The following RIN2 variants were observed in gnomAD, a reference collection of about 807,000 sequenced individuals.
The protein encoded by RIN2 is RAB5 interacting protein 2.
RIN2 carries 36 observed loss-of-function variants against 78.0 expected under a neutral mutation model. That is an observed-to-expected ratio of 0.46 (90% CI 0.35 to 0.61). The LOEUF is 0.61. RIN2 is among the 20% of genes least tolerant of loss of function. RIN2 has a pLI of 0.00. For missense variants in RIN2, 1,087 were observed against 1,159.7 expected, an observed-to-expected ratio of 0.94 and a Z score of 0.91; for synonymous variants, 466 against 466.8, an observed-to-expected ratio of 1.00 and a Z score of 0.02.
chr20:19,824,596 T>C (rs1255404423), intron 2 of RIN2, among the ~76,000 whole-genome samples: 3 of 152,060 alleles, frequency 2.0e-5, no homozygotes, highest in South Asian at 4.1e-4. Flanking sequence ...GCTTCCAGAA[T>C]AGAATGAATC....
chr20:19,956,874 C>G, intron 5 of RIN2, 67 bp downstream of exon 5: 2 of 1,357,706 alleles, frequency 1.5e-6, no homozygotes, highest in Non-Finnish European at 2.0e-6. Context: ...AAGAAAAACA[C>G]TTGGAGTTAG....
chr20:19,790,728 A>G (rs751101118), intron 1 of RIN2, among the ~76,000 whole-genome samples: 3 of 152,072 alleles, frequency 2.0e-5, no homozygotes, highest in Non-Finnish European at 4.4e-5. Flanking sequence ...GCCCTTCTTC[A>G]TGTCTGTCAC....
chr20:19,928,314 C>CA lies in RIN2; in HGVS notation c.58-6783dup, dbSNP rs1328110839. Among the ~76,000 whole-genome samples, 3 of 152,246 alleles carry CA rather than the reference C, an allele frequency of 2.0e-5. No individual in the cohort carries two copies. In the East Asian group the frequency reaches 5.8e-4, roughly 29 times the overall value. ...GATGAGGGCACCCAAATGGGTCGCC[C>CA]AAGGCGACCCAGCCAACCGGGGCCC... On this transcript the variant is annotated intron_variant, in intron 3 of 12. Transcript: ENST00000255006.
At chr20:19,917,224 G>A (rs991211746) in intron 3 of RIN2, among the ~76,000 whole-genome samples, 8 of 151,876 alleles carry the variant, frequency 5.3e-5, no homozygotes, top group African/African-American at 1.7e-4. Flanking sequence ...GCTGTGCCAC[G>A]GTCATCCACC....
At chr20:19,882,301 C>T (rs1043629530) in intron 2 of RIN2, among the ~76,000 whole-genome samples, 1 of 152,062 alleles carries the variant, frequency 6.6e-6, no homozygotes, top group African/African-American at 2.4e-5. Flanking sequence ...TAAAGTTTCA[C>T]GAAGACAAAA....
At chr20:19,828,027 G>T (rs1272065748) in intron 2 of RIN2, among the ~76,000 whole-genome samples, 1 of 151,996 alleles carries the variant, frequency 6.6e-6, no homozygotes, top group South Asian at 2.1e-4. Flanking sequence ...CCAGCTGTGA[G>T]TTCATTGCAA....
chr20:19,974,947 C>A lies in RIN2; in HGVS notation c.922C>A (p.Pro308Thr). The change falls in exon 9 of 13, where the codon CCA (proline) becomes ACA (threonine). Residue 308 changes from proline (P) to threonine (T), a missense_variant. Transcript: ENST00000255006. ...TGGCACGGAGCGGACTCGGTCCCCCCCACCCAGGCCCCCGCCACCCGCTAT... is the reference window on the plus strand; with the variant it reads ...TGGCACGGAGCGGACTCGGTCCCCCACACCCAGGCCCCCGCCACCCGCTAT... ...ANGTERTRSP[P>T]PRPPPPAINS... 6.2e-7 allele frequency: 1 copy of A among 1,612,980 alleles called. No individual in the cohort carries two copies. The highest frequency in any genetic ancestry group is 8.5e-7 in the Non-Finnish European group (1 of 1,179,386).
intron 5 of RIN2, among the ~76,000 whole-genome samples, chr20:19,959,665 G>T (rs1294730427): frequency 6.6e-6 from 1 of 152,340 alleles, no homozygotes; most frequent in Admixed American, 6.5e-5. Context: ...CTATAGAAAG[G>T]TAGGGGAGAG....
At chr20:19,935,307 G>A (rs532012484) in intron 4 of RIN2, 108 bp downstream of exon 4, 1 of 1,255,500 alleles carries the variant, frequency 8.0e-7, no homozygotes, top group African/African-American at 1.5e-5. Flanking sequence ...GGAGCTGGGA[G>A]TGTGGTAGCA....
At position 19,886,383 on chromosome 20, in the gene RIN2, G is replaced by A. The variant is rs571175649; in HGVS notation, c.-36-3183G>A. On this transcript the variant is annotated intron_variant, in intron 2 of 12. Transcript: ENST00000255006. ...CAGACTTTGCTTTACCACAGCAGTC[G>A]CTCTTGGGGCCACACGGAAAGCCAC... 20 of 296,594 alleles carry A rather than the reference G, an allele frequency of 6.7e-5. No homozygotes were observed. The South Asian group carries it at 2.5e-3, about 37-fold the overall frequency. 18.4% of individuals were successfully genotyped at this position (296,594 alleles called of 1,614,324 possible). A position where few individuals can be genotyped will look rare whatever the true frequency, so the allele number is the denominator to read the frequency against.
intron 3 of RIN2, among the ~76,000 whole-genome samples, chr20:19,905,376 G>A (rs1019211260): frequency 1.4e-4 from 21 of 152,256 alleles, no homozygotes; most frequent in African/African-American, 5.1e-4. Flanking sequence ...GAACCTCTGA[G>A]GACAAAGCAA....
intron 2 of RIN2, among the ~76,000 whole-genome samples, chr20:19,817,055 G>A (rs1285742135): frequency 6.6e-6 from 1 of 152,146 alleles, no homozygotes; most frequent in East Asian, 1.9e-4. Context: ...TGCTAGAGCT[G>A]GGATGGGGGT....
At chr20:19,811,697 T>C (rs2035606129) in intron 2 of RIN2, among the ~76,000 whole-genome samples, 3 of 152,152 alleles carry the variant, frequency 2.0e-5, no homozygotes. Context: ...CTATTTGAGT[T>C]ACTTAAATTT....
chr20:19,970,470 A>G (rs2042069552), intron 7 of RIN2, among the ~76,000 whole-genome samples: 1 of 152,220 alleles, frequency 6.6e-6, no homozygotes, highest in South Asian at 2.1e-4. Context: ...TTTCGGCCCA[A>G]CATTCACATA....
At chr20:19,911,451 C>T (rs2039463028) in intron 3 of RIN2, among the ~76,000 whole-genome samples, 1 of 152,208 alleles carries the variant, frequency 6.6e-6, no homozygotes, top group African/African-American at 2.4e-5. Context: ...ATTGGAGACA[C>T]ACCTGCGACC....
At chr20:19,841,272 C>G (rs2036567979) in intron 2 of RIN2, among the ~76,000 whole-genome samples, 1 of 151,746 alleles carries the variant, frequency 6.6e-6, no homozygotes. Context: ...CGTGAGCCAC[C>G]ACACTCGGTG....
intron 2 of RIN2, among the ~76,000 whole-genome samples, chr20:19,854,988 G>T (rs981400113): frequency 1.3e-5 from 2 of 152,146 alleles, no homozygotes; most frequent in Non-Finnish European, 2.9e-5. Context: ...TCCAGTTTTT[G>T]CCCATTCAGT....
intron 1 of RIN2, among the ~76,000 whole-genome samples, chr20:19,761,025 C>T (rs1206074062): frequency 2.6e-5 from 4 of 152,164 alleles, no homozygotes; most frequent in Non-Finnish European, 5.9e-5. Context: ...AATGAATGAA[C>T]AAAAGTGTCC....
intron 3 of RIN2, among the ~76,000 whole-genome samples, chr20:19,920,032 C>T (rs139223722): frequency 0.013 from 1,955 of 152,208 alleles, 118 homozygotes; most frequent in Admixed American, 0.1. Context: ...CAGTGGCTCA[C>T]GCCTGTAATC....
Sources: gnomAD v4.1 joint callset for allele counts (sites outside exome capture counted in the v4.1 genomes callset) on GRCh38, gnomAD v4.1.1 for gene constraint, MANE v1.5 for transcripts, NCBI Gene and HGNC (gene_info 2026-07-23, HGNC 2026-07-21) for gene names.